The following KAZN variants were observed in gnomAD, a reference collection of about 807,000 sequenced individuals.
KAZN encodes kazrin, periplakin interacting protein.
KAZN carries 40 observed loss-of-function variants against 87.4 expected under a neutral mutation model. The ratio of observed to expected loss-of-function variants is 0.46; its 90% confidence interval spans 0.36 to 0.60. The LOEUF (loss-of-function observed/expected upper bound fraction) is 0.60, where lower values mean the gene tolerates loss of function less well. Among genes scored for constraint, KAZN ranks in the 20% least tolerant of loss-of-function variants. The probability of loss-of-function intolerance (pLI) is 0.00; values close to 1 mark genes in which losing one functional copy is unlikely to be tolerated. For missense variants in KAZN, 898 were observed against 1,073.9 expected, an observed-to-expected ratio of 0.84 and a Z score of 2.29; for synonymous variants, 466 against 458.3, an observed-to-expected ratio of 1.02 and a Z score of -0.22.
At chr1:14,841,036 T>C (rs957112241) in intron 1 of KAZN, among the ~76,000 whole-genome samples, 1 of 152,096 alleles carries the variant, frequency 6.6e-6, no homozygotes, top group Non-Finnish European at 1.5e-5. Flanking sequence ...ATTCTAAGCA[T>C]CAACAACAAG....
chr1:14,123,537 A>G (rs1644795947), intron 1 of KAZN, among the ~76,000 whole-genome samples: 1 of 152,186 alleles, frequency 6.6e-6, no homozygotes, highest in Non-Finnish European at 1.5e-5. Flanking sequence ...AATTCCAAAT[A>G]CAGAGAAGAG....
At chr1:14,259,203 G>C (rs999495638) in intron 2 of KAZN, among the ~76,000 whole-genome samples, 1 of 152,076 alleles carries the variant, frequency 6.6e-6, no homozygotes, top group Non-Finnish European at 1.5e-5. Context: ...ACTTGGTGTC[G>C]GATTCAGAGA....
intron 2 of KAZN, among the ~76,000 whole-genome samples, chr1:14,539,748 C>T (rs1314734805): frequency 6.6e-6 from 1 of 150,866 alleles, no homozygotes; most frequent in Non-Finnish European, 1.5e-5. Flanking sequence ...GTTTTTAGGC[C>T]CTGACTTGAT....
intron 1 of KAZN, among the ~76,000 whole-genome samples, chr1:14,069,018 C>G (rs985927904): frequency 1.3e-5 from 2 of 152,110 alleles, no homozygotes; most frequent in Admixed American, 6.5e-5. Flanking sequence ...AGGCTGGTCT[C>G]GAACTCCTGA....
intron 1 of KAZN, among the ~76,000 whole-genome samples, chr1:14,738,270 G>A (rs1339333806): frequency 6.6e-6 from 1 of 152,152 alleles, no homozygotes; most frequent in Non-Finnish European, 1.5e-5. Flanking sequence ...AGCATGATTT[G>A]CCTGTGGTGT....
chr1:14,256,830 G>T (rs568072365), intron 2 of KAZN, among the ~76,000 whole-genome samples: 4 of 152,244 alleles, frequency 2.6e-5, no homozygotes, highest in African/African-American at 9.6e-5. Context: ...GGCTTTAGGG[G>T]TCTTTTCTAC....
At chr1:14,025,393 A>G (rs1423808300) in intron 1 of KAZN, among the ~76,000 whole-genome samples, 2 of 152,222 alleles carry the variant, frequency 1.3e-5, no homozygotes, top group African/African-American at 2.4e-5. Context: ...CTCAAAATAC[A>G]GTAGTTAGAC....
intron 1 of KAZN, among the ~76,000 whole-genome samples, chr1:14,658,084 T>C (rs1271047680): frequency 6.6e-6 from 1 of 152,162 alleles, no homozygotes; most frequent in African/African-American, 2.4e-5. Context: ...ACCTGGAGTC[T>C]TGTAGCGACC....
intron 2 of KAZN, among the ~76,000 whole-genome samples, chr1:14,187,668 A>G (rs1051118062): frequency 2.6e-5 from 4 of 152,198 alleles, no homozygotes; most frequent in African/African-American, 9.6e-5. Flanking sequence ...TGCTGCTAGC[A>G]TCCAGTAGGT....
intron 2 of KAZN, among the ~76,000 whole-genome samples, chr1:14,271,509 C>A (rs1651926039): frequency 6.6e-6 from 1 of 152,156 alleles, no homozygotes; most frequent in Non-Finnish European, 1.5e-5. Flanking sequence ...ATCTAGCCGT[C>A]CAACCGGAAA....
At position 15,060,215 on chromosome 1, in the gene KAZN, C is replaced by G; in HGVS notation, c.960C>G (p.Ile320Met). The G allele has an allele frequency of 6.2e-7, 1 of 1,614,272 alleles. No homozygotes were observed. Among genetic ancestry groups the G allele is most frequent in the African/African-American group, 1.3e-5 (1 of 75,078 alleles). ...GCCACTCCCGGCAGCCCTCTGTCATCTCCGACGCATCTGCCGCCGAAGGCG... is the reference window on the plus strand; with the variant it reads ...GCCACTCCCGGCAGCCCTCTGTCATGTCCGACGCATCTGCCGCCGAAGGCG... ...SPCHSRQPSV[I>M]SDASAAEGDR... Residue 320 changes from isoleucine to methionine, a missense_variant, in exon 6 of 15, where the codon ATC (isoleucine) becomes ATG (methionine). Transcript: ENST00000376030.
At chr1:14,507,415 A>C (rs557662761) in intron 2 of KAZN, among the ~76,000 whole-genome samples, 1 of 152,322 alleles carries the variant, frequency 6.6e-6, no homozygotes, top group East Asian at 1.9e-4. Context: ...CAGAGTGTGC[A>C]TAGATATAAA....
chr1:14,370,958 T>C (rs1162665701), intron 2 of KAZN, among the ~76,000 whole-genome samples: 1 of 152,170 alleles, frequency 6.6e-6, no homozygotes, highest in African/African-American at 2.4e-5. Context: ...GTGCTGAGAT[T>C]AGGGGTGTGA....
chr1:14,364,978 A>C (rs932487936), intron 2 of KAZN, among the ~76,000 whole-genome samples: 8 of 150,580 alleles, frequency 5.3e-5, no homozygotes, highest in African/African-American at 2.0e-4. Flanking sequence ...CCTGGCCTTA[A>C]GTGATCTTCC....
At chr1:14,881,899 T>C (rs1270934171) in intron 1 of KAZN, among the ~76,000 whole-genome samples, 1 of 152,158 alleles carries the variant, frequency 6.6e-6, no homozygotes. Context: ...TTCTCTTCTC[T>C]TCTGAACTCA....
chr1:14,098,796 A>G (rs1644184876), intron 1 of KAZN, among the ~76,000 whole-genome samples: 1 of 152,118 alleles, frequency 6.6e-6, no homozygotes, highest in African/African-American at 2.4e-5. Flanking sequence ...GCTCTTCATT[A>G]CCCAAGGCAT....
intron 2 of KAZN, among the ~76,000 whole-genome samples, chr1:14,192,199 C>A (rs545924485): frequency 1.3e-5 from 2 of 152,106 alleles, no homozygotes; most frequent in Non-Finnish European, 2.9e-5. Flanking sequence ...GTGGAGTAGG[C>A]AAGAAAATCC....
intron 1 of KAZN, among the ~76,000 whole-genome samples, chr1:14,762,199 G>A (rs1644758789): frequency 6.6e-6 from 1 of 152,170 alleles, no homozygotes; most frequent in Non-Finnish European, 1.5e-5. Flanking sequence ...GAGGGCCAAG[G>A]GACTTTGAGA....
rs142636697 is a variant in KAZN, at chr1:14,335,610, C to T, written c.249+155018C>T. Among the ~76,000 whole-genome samples the T allele has an allele frequency of 5.1e-3, 782 of 152,236 alleles. 10 individuals carry two copies. Among genetic ancestry groups the T allele is most frequent in the African/African-American group, 0.018 (749 of 41,556 alleles). The stretch of plus-strand genomic sequence containing the variant: ...AAGTTTCCTGAGGTCCTCACAGAAG[C>T]CAAGCAGAGGCTGGTGCCATACTTG... On this transcript the variant is annotated intron_variant, in intron 2 of 16. Coordinates refer to the KAZN transcript ENST00000636203.
Sources: gnomAD v4.1 joint callset for allele counts (sites outside exome capture counted in the v4.1 genomes callset) on GRCh38, gnomAD v4.1.1 for gene constraint, MANE v1.5 for transcripts, NCBI Gene and HGNC (gene_info 2026-07-23, HGNC 2026-07-21) for gene names.